Variants in OGN observed in about 807,000 individuals in gnomAD.
OGN encodes the protein osteoglycin, also known as mimecan.
Under a neutral mutation model 30.8 loss-of-function variants are expected in OGN, and 19 were observed. That is an observed-to-expected ratio of 0.62 (90% CI 0.43 to 0.90). OGN has a LOEUF of 0.90. Among genes scored for constraint, OGN ranks in the 40% least tolerant of loss-of-function variants. The pLI, the probability that OGN is intolerant of heterozygous loss-of-function variation, is 0.00. For missense variants in OGN, 283 were observed against 349.7 expected, an observed-to-expected ratio of 0.81 and a Z score of 1.52; for synonymous variants, 126 against 128.3, an observed-to-expected ratio of 0.98 and a Z score of 0.12.
At chr9:92,397,626 G>A (rs1472533104) in intron 3 of OGN, among the ~76,000 whole-genome samples, 1 of 152,082 alleles carries the variant, frequency 6.6e-6, no homozygotes, top group Admixed American at 6.6e-5. Context: ...CACCACACCC[G>A]GCCAGCATTG....
chr9:92,401,248 A>T, intron 2 of OGN, 63 bp from the exon 3 acceptor site: 1 of 765,922 alleles, frequency 1.3e-6, no homozygotes, highest in South Asian at 1.5e-5. Flanking sequence ...TGTAAAATGA[A>T]GGGATCACAG....
rs1039924647 is a variant in OGN at position 92,384,706 on chromosome 9, A to G, written c.*914T>C. The G allele has an allele frequency of 5.3e-5, 8 of 152,128 alleles. No homozygotes were observed. Among genetic ancestry groups the G allele is most frequent in the Non-Finnish European group, 1.2e-4 (8 of 67,994 alleles). The allele number at this position is 152,128 out of a possible 1,614,324, so 9.4% of individuals were successfully genotyped here. A position where few individuals can be genotyped will look rare whatever the true frequency, so the allele number is the denominator to read the frequency against. On this transcript the variant is annotated 3_prime_UTR_variant, in exon 7 of 7. Coordinates refer to ENST00000375561, the MANE Select transcript of OGN (RefSeq NM_014057.5). ...GTGTATGGGTGGGAAGGTAGTGTGC[A>G]CTGGCACCACAGAATATTCTGTTTT...
Position 92,385,594 on chromosome 9 carries a change from T to G in OGN, c.*26A>C. On this transcript the variant is annotated 3_prime_UTR_variant, in exon 7 of 7. Transcript: ENST00000375561. ...ACAGACTATTAGTGTAGGTGTACTTTCATTTATATGTTGTACCAATAGAGG... is the reference window on the plus strand; with the variant it reads ...ACAGACTATTAGTGTAGGTGTACTTGCATTTATATGTTGTACCAATAGAGG... 1 of 1,602,036 alleles carries G rather than the reference T, an allele frequency of 6.2e-7. No individual in the cohort carries two copies. Among genetic ancestry groups the G allele is most frequent in the Non-Finnish European group, 8.5e-7 (1 of 1,169,596 alleles).
chr9:92,390,611 C>T (rs1230082966), intron 4 of OGN, among the ~76,000 whole-genome samples: 5 of 151,800 alleles, frequency 3.3e-5, no homozygotes, highest in Non-Finnish European at 7.4e-5. Flanking sequence ...CTTGCGTGTG[C>T]ATCACGTATA....
In OGN at chr9:92,385,479, A is replaced by T. The variant is rs1842381774; in HGVS notation, c.*141T>A. 2.4e-5 allele frequency: 17 copies of T among 698,958 alleles called. No homozygotes were observed. The South Asian group carries it at 4.1e-4, about 17-fold the overall frequency. 43.3% of individuals were successfully genotyped at this position (698,958 alleles called of 1,614,324 possible). A position where few individuals can be genotyped will look rare whatever the true frequency, so the allele number is the denominator to read the frequency against. On this transcript the variant is annotated 3_prime_UTR_variant, in exon 7 of 7. Coordinates refer to ENST00000375561, the MANE Select transcript of OGN (RefSeq NM_014057.5). ...TTTACTTATTATATGTAAGATTTTG[A>T]ACATCCTTGCTTAAAATATTAAATT...
At chr9:92,394,100 A>G (rs973884831) in intron 3 of OGN, among the ~76,000 whole-genome samples, 2 of 152,164 alleles carry the variant, frequency 1.3e-5, no homozygotes, top group African/African-American at 4.8e-5. Flanking sequence ...TCCATTGATG[A>G]TTCTTACCCG....
At chr9:92,389,095 T>C (rs7853859) in intron 5 of OGN, among the ~76,000 whole-genome samples, 67,498 of 151,904 alleles carry the variant, frequency 0.44, 17,238 homozygotes, top group African/African-American at 0.7. Context: ...TGATAGTTTC[T>C]GAAGTTACCT....
intron 3 of OGN, among the ~76,000 whole-genome samples, chr9:92,400,492 C>G (rs1425734655): frequency 6.6e-6 from 1 of 152,154 alleles, no homozygotes; most frequent in Non-Finnish European, 1.5e-5. Context: ...TACTATCATA[C>G]TTCTCGCTTT....
chr9:92,388,743 A>C (rs1224905500), intron 5 of OGN, among the ~76,000 whole-genome samples: 1 of 151,114 alleles, frequency 6.6e-6, no homozygotes, highest in Admixed American at 6.6e-5. Context: ...GAGGCAGGAG[A>C]ATTGCTCAAA....
At position 92,391,470 on chromosome 9, in the gene OGN, ATG is replaced by A. The variant is rs1411192534; in HGVS notation, c.428-1416_428-1415del. The stretch of plus-strand genomic sequence containing the variant: ...AACAAGTAACCAGGTGTGGTGGCAC[ATG>A]CCTGTAGTCTCAGCTACTTGCGAGA... On this transcript the variant is annotated intron_variant, in intron 4 of 6. Transcript: ENST00000375561. Among the ~76,000 whole-genome samples the A allele has an allele frequency of 5.6e-4, 85 of 152,202 alleles. 1 individual carries two copies. The highest frequency in any genetic ancestry group is 1.7e-3 in the African/African-American group (71 of 41,552).
intron 6 of OGN, 116 bp from the exon 7 acceptor site, chr9:92,385,906 T>C: frequency 3.3e-6 from 3 of 896,934 alleles, no homozygotes; most frequent in Non-Finnish European, 5.2e-6. Context: ...CTTCAAATCC[T>C]TGTGTCAAAT....
At chr9:92,392,636 A>G (rs867500441) in intron 4 of OGN, among the ~76,000 whole-genome samples, 6 of 145,644 alleles carry the variant, frequency 4.1e-5, no homozygotes, top group African/African-American at 1.7e-4. Flanking sequence ...AGGGGGGAGA[A>G]AAAAAAAACA....
chr9:92,395,131 C>T (rs1243154050), intron 3 of OGN, among the ~76,000 whole-genome samples: 1 of 152,118 alleles, frequency 6.6e-6, no homozygotes, highest in Non-Finnish European at 1.5e-5. Flanking sequence ...GAAACGTTCA[C>T]TACAAGTGAG....
chr9:92,403,835 C>G (rs1230809809), intron 1 of OGN: 4 of 276,562 alleles, frequency 1.4e-5, no homozygotes, highest in Non-Finnish European at 2.2e-5. Flanking sequence ...CATATTTCCA[C>G]TTAGCTACTT....
intron 2 of OGN, 67 bp downstream of exon 2, chr9:92,403,167 A>G: frequency 8.9e-7 from 1 of 1,117,366 alleles, no homozygotes; most frequent in East Asian, 2.6e-5. Flanking sequence ...CACATTCAGG[A>G]AAAGCAAAAA....
intron 2 of OGN, among the ~76,000 whole-genome samples, chr9:92,402,154 C>T (rs1843141548): frequency 1.3e-5 from 2 of 152,074 alleles, no homozygotes; most frequent in Admixed American, 1.3e-4. Flanking sequence ...TCAAATCATC[C>T]AAGTGAGCCA....
rs991201164 is a variant in OGN at position 92,384,152 on chromosome 9, T to C, written c.*1468A>G. 2.6e-5 allele frequency: 4 copies of C among 152,166 alleles called. No individual in the cohort carries two copies. The highest frequency in any genetic ancestry group is 9.6e-5 in the African/African-American group (4 of 41,452). 9.4% of individuals were successfully genotyped at this position (152,166 alleles called of 1,614,324 possible). A position where few individuals can be genotyped will look rare whatever the true frequency, so the allele number is the denominator to read the frequency against. On this transcript the variant is annotated 3_prime_UTR_variant, in exon 7 of 7. Coordinates refer to ENST00000375561, the MANE Select transcript of OGN (RefSeq NM_014057.5). ...GAAAGTAGTATAATAGCTGTGATCATTAGTTATCAAAATAAGTGAATGAGC... is the reference window on the plus strand; with the variant it reads ...GAAAGTAGTATAATAGCTGTGATCACTAGTTATCAAAATAAGTGAATGAGC...
rs763692574 is a variant in OGN at position 92,385,761 on chromosome 9, G to A, written c.756C>T (p.Asp252=). The stretch of plus-strand genomic sequence containing the variant: ...TGGTGTCATTAGCCTTGCAGAATGT[G>A]TCATCTGTAATTGAAGCTATGTTGT... ...QFNNIASITD[D]TFCKANDTSY... is the part of the protein sequence containing the mutation. Residue 252 remains aspartate, a synonymous_variant, in exon 7 of 7, where the codon GAC becomes GAT. Coordinates refer to ENST00000375561, the MANE Select transcript of OGN (RefSeq NM_014057.5). 6.2e-7 allele frequency: 1 copy of A among 1,614,044 alleles called. No homozygotes were observed. The highest frequency in any genetic ancestry group is 1.1e-5 in the South Asian group (1 of 91,076).
At chr9:92,403,199 TTTTAGAAGCTAAA>T (rs1799678914) in intron 2 of OGN, 22 bp downstream of exon 2, 1 of 1,427,330 alleles carries the variant, frequency 7.0e-7, no homozygotes, top group Non-Finnish European at 9.6e-7. Flanking sequence ...ATGGGCAGTA[TTTTAGAAGCTAAA>T]TTTAGAATAG....
Sources: gnomAD v4.1 joint callset for allele counts (sites outside exome capture counted in the v4.1 genomes callset) on GRCh38, gnomAD v4.1.1 for gene constraint, MANE v1.5 for transcripts, NCBI Gene and HGNC (gene_info 2026-07-23, HGNC 2026-07-21) for gene names.